The following SPATS2L variants were observed in gnomAD, a reference collection of about 807,000 sequenced individuals.
The protein encoded by SPATS2L is spermatogenesis associated serine rich 2 like.
In SPATS2L, 30 loss-of-function variants were observed where a neutral mutation model predicts 59.6. That is an observed-to-expected ratio of 0.50 (90% CI 0.38 to 0.68). The LOEUF (loss-of-function observed/expected upper bound fraction) is 0.68. Among genes scored for constraint, SPATS2L ranks in the 30% least tolerant of loss-of-function variants. The probability of loss-of-function intolerance (pLI) is 0.00; values close to 1 mark genes in which losing one functional copy is unlikely to be tolerated. For synonymous variants in SPATS2L, 252 were observed against 263.5 expected (o/e 0.96, Z 0.42); for missense variants, 615 against 700.0 (o/e 0.88, Z 1.37).
chr2:200,441,378 T>A (rs2084687791), intron 8 of SPATS2L, among the ~76,000 whole-genome samples: 1 of 152,176 alleles, frequency 6.6e-6, no homozygotes, highest in Non-Finnish European at 1.5e-5. Flanking sequence ...TTAATAAAGG[T>A]TTAGTTATTA....
chr2:200,420,870 C>A (rs2083281352), intron 6 of SPATS2L, among the ~76,000 whole-genome samples: 1 of 152,034 alleles, frequency 6.6e-6, no homozygotes, highest in Admixed American at 6.6e-5. Context: ...CATCTAGCAT[C>A]CTGCCCCCCA....
At chr2:200,410,924 T>C (rs1390564880) in intron 3 of SPATS2L, among the ~76,000 whole-genome samples, 1 of 151,596 alleles carries the variant, frequency 6.6e-6, no homozygotes, top group Non-Finnish European at 1.5e-5. Flanking sequence ...TTTGAAGACG[T>C]TAATTTGTTT....
At chr2:200,398,784 G>A (rs747237903) in intron 3 of SPATS2L, among the ~76,000 whole-genome samples, 1 of 152,176 alleles carries the variant, frequency 6.6e-6, no homozygotes, top group Non-Finnish European at 1.5e-5. Context: ...CTGTGCTGCG[G>A]ATCAGAGAAC....
intron 3 of SPATS2L, among the ~76,000 whole-genome samples, chr2:200,412,022 G>A (rs1037375560): frequency 6.6e-6 from 1 of 152,108 alleles, no homozygotes. Context: ...TGTAGTCTTG[G>A]GGGAGGGTAG....
At chr2:200,333,568 T>G (rs1462547557) in intron 2 of SPATS2L, among the ~76,000 whole-genome samples, 1 of 152,074 alleles carries the variant, frequency 6.6e-6, no homozygotes. Context: ...TTGTTACATA[T>G]GTATACATGT....
At chr2:200,467,195 A>C (rs2086663114) in intron 9 of SPATS2L, 95 bp from the exon 10 acceptor site, 1 of 854,124 alleles carries the variant, frequency 1.2e-6, no homozygotes, top group African/African-American at 1.7e-5. Flanking sequence ...CAACAAAGCA[A>C]TCAGTCTGTG....
chr2:200,406,128 A>G (rs2082679161), intron 3 of SPATS2L, among the ~76,000 whole-genome samples: 1 of 152,206 alleles, frequency 6.6e-6, no homozygotes, highest in Admixed American at 6.5e-5. Context: ...TGTGGATATA[A>G]AGATATGCTC....
At position 200,479,445 on chromosome 2, in the gene SPATS2L, G is replaced by T. The variant is rs954707962; in HGVS notation, c.*1414G>T. ...TAAACCAATCATGAAAGGGGGGAGA[G>T]AAGTGAATGGGATGAACTAATTTGC... On this transcript the variant is annotated 3_prime_UTR_variant, in exon 13 of 13. Transcript: ENST00000409140. 15 of 397,790 alleles carry T rather than the reference G, an allele frequency of 3.8e-5. No homozygotes were observed. Among genetic ancestry groups the T allele is most frequent in the East Asian group, 2.9e-4 (8 of 28,052 alleles). 24.6% of individuals were successfully genotyped at this position (397,790 alleles called of 1,614,324 possible).
intron 2 of SPATS2L, among the ~76,000 whole-genome samples, chr2:200,349,040 T>A (rs1279790820): frequency 6.6e-6 from 1 of 152,204 alleles, no homozygotes; most frequent in Non-Finnish European, 1.5e-5. Flanking sequence ...TCCTGTACTT[T>A]CGGTGCAAAT....
At position 200,367,545 on chromosome 2, in the gene SPATS2L, G is replaced by T. The variant is rs75470468; in HGVS notation, c.-22-21678G>T. 3.3e-3 allele frequency among the ~76,000 whole-genome samples: 503 copies of T among 152,308 alleles called. 5 individuals carry two copies. Among genetic ancestry groups the T allele is most frequent in the African/African-American group, 0.012 (482 of 41,572 alleles). ...AAATCTATACTTTTCAAGAAAATAA[G>T]AGTATGTCTTTATTTCATATGGAAA... On this transcript the variant is annotated intron_variant, in intron 2 of 12. Transcript: ENST00000409140.
intron 3 of SPATS2L, among the ~76,000 whole-genome samples, chr2:200,411,845 C>T (rs2082888538): frequency 6.6e-6 from 1 of 152,168 alleles, no homozygotes; most frequent in Non-Finnish European, 1.5e-5. Context: ...TTTCACAGCA[C>T]ACTTCTGTTG....
chr2:200,390,824 G>C (rs768557733), intron 3 of SPATS2L: 7 of 149,908 alleles, frequency 4.7e-5, no homozygotes, highest in Admixed American at 1.3e-4. Context: ...GAAATTTACC[G>C]TTTCCTCCAG....
chr2:200,462,757 A>G (rs1345774575), intron 9 of SPATS2L, among the ~76,000 whole-genome samples: 1 of 152,138 alleles, frequency 6.6e-6, no homozygotes, highest in African/African-American at 2.4e-5. Context: ...ATCTCTAAAA[A>G]AATAAAAATA....
At chr2:200,428,923 C>T (rs762576313) in intron 6 of SPATS2L, among the ~76,000 whole-genome samples, 11 of 152,192 alleles carry the variant, frequency 7.2e-5, no homozygotes, top group Non-Finnish European at 1.5e-4. Flanking sequence ...CCTCACTTGC[C>T]TGCACTGCAG....
rs575443378 is a variant in SPATS2L, at chr2:200,432,980, T to C, written c.446-6142T>C. Among the ~76,000 whole-genome samples, 9 of 151,908 alleles carry C rather than the reference T, an allele frequency of 5.9e-5. No individual in the cohort carries two copies. The South Asian group carries it at 8.3e-4, about 14-fold the overall frequency. ...CAGTCTCACATAGGTGTAATTAGAG[T>C]CTCAGAAGGAGAGCAAAGAGGAAAT... is the stretch of plus-strand genomic sequence containing the variant. On this transcript the variant is annotated intron_variant, in intron 6 of 12. Coordinates refer to ENST00000409140, the MANE Select transcript of SPATS2L (RefSeq NM_001100423.2).
At chr2:200,461,760 C>A (rs1318317500) in intron 9 of SPATS2L, among the ~76,000 whole-genome samples, 1 of 152,168 alleles carries the variant, frequency 6.6e-6, no homozygotes, top group African/African-American at 2.4e-5. Context: ...ATTCTTCATT[C>A]TTTTTTATTT....
At chr2:200,338,918 AAGAAAG>A (rs1217416279) in intron 2 of SPATS2L, among the ~76,000 whole-genome samples, 6 of 152,228 alleles carry the variant, frequency 3.9e-5, no homozygotes, top group Non-Finnish European at 8.8e-5. Context: ...AGCTGAAAGA[AAGAAAG>A]AGAAAGAACC....
At chr2:200,333,828 G>T (rs2080043307) in intron 2 of SPATS2L, among the ~76,000 whole-genome samples, 1 of 152,134 alleles carries the variant, frequency 6.6e-6, no homozygotes, top group Non-Finnish European at 1.5e-5. Flanking sequence ...CAAAGGACAT[G>T]AACTCATCAT....
intron 1 of SPATS2L, among the ~76,000 whole-genome samples, chr2:200,322,259 CTCT>C (rs1362507805): frequency 6.6e-6 from 1 of 152,110 alleles, no homozygotes; most frequent in Admixed American, 6.6e-5. Flanking sequence ...TAATATGAAA[CTCT>C]TCTTTGTTTT....
Sources: gnomAD v4.1 joint callset for allele counts (sites outside exome capture counted in the v4.1 genomes callset) on GRCh38, gnomAD v4.1.1 for gene constraint, MANE v1.5 for transcripts, NCBI Gene and HGNC (gene_info 2026-07-23, HGNC 2026-07-21) for gene names.